CCDC88C: variants seen among roughly 807,000 people sequenced by gnomAD.
The protein encoded by CCDC88C is coiled-coil and HOOK domain protein 88C, also known as protein Daple.
In CCDC88C, 131 loss-of-function variants were observed where a neutral mutation model predicts 198.8. The ratio of observed to expected loss-of-function variants is 0.66; its 90% CI spans 0.57 to 0.76. The LOEUF is 0.76. Ranked by LOEUF, CCDC88C falls within the 30% of genes least tolerant of loss-of-function variation. The pLI is 0.00. For missense variants in CCDC88C, 2,553 were observed against 2,631.6 expected, an observed-to-expected ratio of 0.97 and a Z score of 0.65; for synonymous variants, 1,166 against 1,114.7, an observed-to-expected ratio of 1.05 and a Z score of -0.92.
chr14:91,347,305 A>G (rs569293970), intron 4 of CCDC88C, among the ~76,000 whole-genome samples: 7 of 152,348 alleles, frequency 4.6e-5, no homozygotes, highest in South Asian at 2.1e-4. Flanking sequence ...TCATTTGGAC[A>G]ACTCTGGTGA....
chr14:91,276,587 A>T (rs1010832538), intron 29 of CCDC88C, among the ~76,000 whole-genome samples: 3 of 152,230 alleles, frequency 2.0e-5, no homozygotes, highest in Non-Finnish European at 4.4e-5. Flanking sequence ...TATCTACCAA[A>T]CACACACTTT....
Position 91,340,144 on chromosome 14 carries a change from G to GT in CCDC88C, c.484-121dup, listed in dbSNP as rs747546118. Reference sequence around the variant, plus strand: ...CTAATCCCTCAGTGACAAATTTACGGTGGCCAGCAAAAGGGTGCCCTACGC... The same window carrying GT: ...CTAATCCCTCAGTGACAAATTTACGGTTGGCCAGCAAAAGGGTGCCCTACGC... On this transcript the variant is annotated intron_variant, in intron 6 of 29. Coordinates refer to ENST00000389857, the MANE Select transcript of CCDC88C (RefSeq NM_001080414.4). 2.3e-4 allele frequency: 315 copies of GT among 1,393,948 alleles called. 1 individual carries two copies. The highest frequency in any genetic ancestry group is 3.0e-4 in the Non-Finnish European group (303 of 1,020,264). The allele number at this position is 1,393,948 out of a possible 1,614,324, so 86.3% of individuals were successfully genotyped here.
At chr14:91,417,439 G>A (rs1396475339) in intron 1 of CCDC88C, 192 bp downstream of exon 1, 1 of 574,414 alleles carries the variant, frequency 1.7e-6, no homozygotes, top group African/African-American at 2.0e-5. Context: ...GCACAACGGG[G>A]GCGCCGGCTC....
chr14:91,291,841 C>T (rs1018143659), intron 23 of CCDC88C, among the ~76,000 whole-genome samples: 3 of 152,162 alleles, frequency 2.0e-5, no homozygotes, highest in African/African-American at 4.8e-5. Context: ...GAATCTTGGG[C>T]GGGCTCAGGC....
rs1028627920 is a variant in CCDC88C, at chr14:91,371,213, G to A, written c.271-11502C>T. 7.2e-5 allele frequency among the ~76,000 whole-genome samples: 11 copies of A among 151,934 alleles called. No individual in the cohort carries two copies. Among genetic ancestry groups the A allele is most frequent in the Admixed American group, 3.9e-4 (6 of 15,266 alleles). On this transcript the variant is annotated intron_variant, in intron 3 of 29. Transcript: ENST00000389857. The surrounding 1 kb of genome is among the most constrained non-coding windows in gnomAD (Gnocchi z 4.2). Reference sequence around the variant, plus strand: ...CCTGATTTTATGGCCGTGAGGGATCGTATGACTGTGACTTCATGGTGGTAG... The same window carrying A: ...CCTGATTTTATGGCCGTGAGGGATCATATGACTGTGACTTCATGGTGGTAG...
chr14:91,290,618 T>G (rs142610090), intron 24 of CCDC88C, among the ~76,000 whole-genome samples: 1 of 152,220 alleles, frequency 6.6e-6, no homozygotes, highest in Non-Finnish European at 1.5e-5. Flanking sequence ...GGGCCAAGTG[T>G]GCTGCCCAAG....
intron 3 of CCDC88C, among the ~76,000 whole-genome samples, chr14:91,399,998 C>T (rs1034390901): frequency 2.0e-5 from 3 of 152,052 alleles, no homozygotes; most frequent in Non-Finnish European, 1.5e-5. Context: ...CCCCAGAGGA[C>T]ACCCCTTCCC....
chr14:91,308,676 G>C (rs1023658785), intron 16 of CCDC88C, among the ~76,000 whole-genome samples, 184 bp from the exon 17 acceptor site: 5 of 152,106 alleles, frequency 3.3e-5, no homozygotes, highest in African/African-American at 1.2e-4. Flanking sequence ...GGTTCCCTGG[G>C]TAGAAACACC....
chr14:91,272,308 G>T lies in CCDC88C; in HGVS notation c.*317C>A. 1 of 375,652 alleles carries T rather than the reference G, an allele frequency of 2.7e-6. No homozygotes were observed. Among genetic ancestry groups the T allele is most frequent in the Non-Finnish European group, 4.9e-6 (1 of 204,478 alleles). 23.3% of individuals were successfully genotyped at this position (375,652 alleles called of 1,614,324 possible). A position where few individuals can be genotyped will look rare whatever the true frequency, so the allele number is the denominator to read the frequency against. On this transcript the variant is annotated 3_prime_UTR_variant, in exon 30 of 30. Transcript: ENST00000389857. Reference sequence around the variant, plus strand: ...AATGAGTGTTCTACTGGGACATACTGGAGTAGTGTCTGCTTTGGGGGAAGT... The same window carrying T: ...AATGAGTGTTCTACTGGGACATACTTGAGTAGTGTCTGCTTTGGGGGAAGT...
chr14:91,387,083 G>A (rs919676701), intron 3 of CCDC88C, among the ~76,000 whole-genome samples: 1 of 152,204 alleles, frequency 6.6e-6, no homozygotes, highest in African/African-American at 2.4e-5. Flanking sequence ...AAGATGCAGA[G>A]TGACTCGCCC....
chr14:91,350,975 T>C (rs1196036636), intron 4 of CCDC88C, among the ~76,000 whole-genome samples: 1 of 152,128 alleles, frequency 6.6e-6, no homozygotes, highest in Non-Finnish European at 1.5e-5. Flanking sequence ...GGTCCACCAC[T>C]ACCTACCATC....
intron 4 of CCDC88C, among the ~76,000 whole-genome samples, chr14:91,351,086 G>A (rs11851876): frequency 3.9e-4 from 59 of 152,294 alleles, no homozygotes; most frequent in African/African-American, 1.4e-3. Context: ...TTTGCTGACT[G>A]AGTGAGGTTA....
Position 91,309,908 on chromosome 14 carries a change from C to T in CCDC88C, c.2815G>A (p.Gly939Ser), listed in dbSNP as rs760579113. 1.7e-5 allele frequency: 28 copies of T among 1,610,694 alleles called. No individual in the cohort carries two copies. Among genetic ancestry groups the T allele is most frequent in the Middle Eastern group, 1.6e-4 (1 of 6,078 alleles). The change falls in exon 16 of 30, where the codon GGC becomes AGC. Residue 939 changes from glycine to serine, a missense_variant. By Grantham distance (56) the Gly-to-Ser change is moderately conservative. Around this residue, in one of 2 missense-constraint regions of CCDC88C, gnomAD observed 1,260 missense variants for 1,412.0 expected, o/e 0.89. Coordinates refer to ENST00000389857, the MANE Select transcript of CCDC88C (RefSeq NM_001080414.4). The part of the protein sequence containing the change: ...DKLSQELEKV[G>S]LNRELLLQED... The stretch of plus-strand genomic sequence containing the variant: ...TGCAACAGCAGCTCCCTGTTGAGGC[C>T]GACCTTCTCCAGTTCCTGGCTCAGC...
rs563781137 is a variant in CCDC88C at position 91,373,596 on chromosome 14, G to T, written c.271-13885C>A. Reference sequence around the variant, plus strand: ...TACAGGAGTTTGCAGCAAAAGATCAGACTTCATCTAGAGAGCAAGAAACTC... The same window carrying T: ...TACAGGAGTTTGCAGCAAAAGATCATACTTCATCTAGAGAGCAAGAAACTC... On this transcript the variant is annotated intron_variant, in intron 3 of 29. Transcript: ENST00000389857. Among the ~76,000 whole-genome samples, 10 of 152,282 alleles carry T rather than the reference G, an allele frequency of 6.6e-5. No homozygotes were observed. The South Asian group carries it at 2.1e-3, about 32-fold the overall frequency.
At chr14:91,398,811 T>C (rs548501569) in intron 3 of CCDC88C, among the ~76,000 whole-genome samples, 1 of 152,192 alleles carries the variant, frequency 6.6e-6, no homozygotes, top group Non-Finnish European at 1.5e-5. Context: ...AGCCCTCTTG[T>C]CTGGCTGATC....
At chr14:91,281,338 C>G (rs930070631) in intron 27 of CCDC88C, 119 bp downstream of exon 27, 10 of 1,556,648 alleles carry the variant, frequency 6.4e-6, no homozygotes, top group Admixed American at 1.9e-5. Flanking sequence ...ATGGGTCCCC[C>G]ATTTCCACCT....
chr14:91,335,810 A>G (rs1029083058), intron 10 of CCDC88C, among the ~76,000 whole-genome samples: 3 of 152,206 alleles, frequency 2.0e-5, no homozygotes, highest in African/African-American at 7.2e-5. Flanking sequence ...AGGACTGAAG[A>G]CGGTTTGCTA....
chr14:91,303,706 C>T lies in CCDC88C; in HGVS notation c.3630G>A (p.Gly1210=), dbSNP rs1891432491. 5.0e-6 allele frequency: 8 copies of T among 1,584,622 alleles called. No individual in the cohort carries two copies. Among genetic ancestry groups the T allele is most frequent in the African/African-American group, 1.3e-5 (1 of 74,266 alleles). ...RNLELEHKEL[G]ERHGDMLKRK... ...CTTCCTTCCCCAGGCCCTACCTCTC[C>T]CCGAGCTCCTTGTGCTCCAGCTCCA... Residue 1210 remains glycine, a synonymous_variant, in exon 20 of 30, where the codon GGG becomes GGA. Coordinates refer to ENST00000389857, the MANE Select transcript of CCDC88C (RefSeq NM_001080414.4).
chr14:91,290,847 G>C, intron 24 of CCDC88C, 148 bp downstream of exon 24: 1 of 607,990 alleles, frequency 1.6e-6, no homozygotes, highest in South Asian at 2.1e-5. Context: ...AGGCAGGCTG[G>C]AAGGATTCTG....
Sources: gnomAD v4.1 joint callset for allele counts (sites outside exome capture counted in the v4.1 genomes callset) on GRCh38, gnomAD v4.1.1 for gene constraint, gnomAD v4.1.1 regional missense constraint, Gnocchi (gnomAD v3.1) non-coding constraint, MANE v1.5 for transcripts, NCBI Gene and HGNC (gene_info 2026-07-23, HGNC 2026-07-21) for gene names.